Variants in UPP2 observed in about 807,000 individuals in gnomAD.
UPP2 encodes the protein UPase 2.
Under a neutral mutation model 26.7 loss-of-function variants are expected in UPP2, and 23 were observed. That is an observed-to-expected ratio of 0.86 (90% CI 0.62 to 1.22). UPP2 has a LOEUF of 1.22. Ranked by LOEUF, UPP2 falls within the 50% of genes most tolerant of loss-of-function variation. The probability of loss-of-function intolerance (pLI) is 0.00; values close to 1 mark genes in which losing one functional copy is unlikely to be tolerated. For synonymous variants in UPP2, 127 were observed against 141.3 expected, an observed-to-expected ratio of 0.90 and a Z score of 0.72; for missense variants, 387 against 396.7, an observed-to-expected ratio of 0.98 and a Z score of 0.21.
At chr2:158,040,689 G>A (rs931059030) in intron 3 of UPP2, among the ~76,000 whole-genome samples, 1 of 152,108 alleles carries the variant, frequency 6.6e-6, no homozygotes, top group Non-Finnish European at 1.5e-5. Context: ...CCTCTCAATG[G>A]AGGTTGCAAC....
chr2:157,998,927 CTT>C lies in UPP2; in HGVS notation c.61+3669_61+3670del, dbSNP rs34589629. On this transcript the variant is annotated intron_variant, in intron 2 of 9. Coordinates refer to the UPP2 transcript ENST00000605860. ...TCTTCAAACTTTGTTCCTGTCCTCT[CTT>C]CTCTCTCATCTTGGAGACCACATTT... is the stretch of plus-strand genomic sequence containing the variant. Among the ~76,000 whole-genome samples, 1,035 of 152,288 alleles carry C rather than the reference CTT, an allele frequency of 6.8e-3. 5 individuals carry two copies. Among genetic ancestry groups the C allele is most frequent in the Admixed American group, 0.026 (404 of 15,294 alleles).
chr2:158,068,513 T>C (rs764716502), intron 3 of UPP2, among the ~76,000 whole-genome samples: 7 of 151,888 alleles, frequency 4.6e-5, no homozygotes, highest in Non-Finnish European at 8.8e-5. Flanking sequence ...GGAAAGTTTA[T>C]GTATTACCTC....
At chr2:158,104,579 T>C (rs1285041669) in intron 1 of UPP2, among the ~76,000 whole-genome samples, 2 of 151,850 alleles carry the variant, frequency 1.3e-5, no homozygotes, top group African/African-American at 4.9e-5. Flanking sequence ...GATAAAGATA[T>C]AGAAAGACAC....
chr2:157,998,310 C>T (rs1234289587), intron 2 of UPP2, among the ~76,000 whole-genome samples: 1 of 152,102 alleles, frequency 6.6e-6, no homozygotes, highest in East Asian at 1.9e-4. Flanking sequence ...TAATGCTCCA[C>T]CAGAAACCTC....
chr2:158,007,203 A>G (rs1452332143), intron 2 of UPP2, among the ~76,000 whole-genome samples: 1 of 152,214 alleles, frequency 6.6e-6, no homozygotes, highest in Admixed American at 6.5e-5. Context: ...TAACCCTATA[A>G]TAATTCTGCG....
intron 3 of UPP2, among the ~76,000 whole-genome samples, chr2:158,115,543 C>A (rs182052506): frequency 6.6e-6 from 1 of 152,142 alleles, no homozygotes; most frequent in African/African-American, 2.4e-5. Flanking sequence ...CCCTCACCCC[C>A]GCCACGGCAA....
intron 3 of UPP2, among the ~76,000 whole-genome samples, chr2:158,060,106 A>G (rs1225193787): frequency 2.6e-5 from 4 of 152,088 alleles, no homozygotes; most frequent in African/African-American, 9.7e-5. Context: ...GTGTACACAC[A>G]TGCATGCACA....
At chr2:158,019,675 C>G (rs1443149549) in intron 3 of UPP2, among the ~76,000 whole-genome samples, 2 of 145,990 alleles carry the variant, frequency 1.4e-5, no homozygotes, top group African/African-American at 5.6e-5. Flanking sequence ...CACACACACA[C>G]ACACACACAC....
chr2:158,087,516 CT>C (rs1682836040), intron 3 of UPP2, among the ~76,000 whole-genome samples: 1 of 152,116 alleles, frequency 6.6e-6, no homozygotes, highest in Non-Finnish European at 1.5e-5. Flanking sequence ...AGGTACTATT[CT>C]ATTCATCACG....
chr2:158,134,469 C>T (rs1201855958), intron 6 of UPP2, among the ~76,000 whole-genome samples: 1 of 152,178 alleles, frequency 6.6e-6, no homozygotes, highest in Non-Finnish European at 1.5e-5. Flanking sequence ...TTATCTTGAA[C>T]ATGATGCTTT....
intron 2 of UPP2, among the ~76,000 whole-genome samples, chr2:158,001,291 A>T (rs1683401718): frequency 6.6e-6 from 1 of 152,202 alleles, no homozygotes; most frequent in Non-Finnish European, 1.5e-5. Context: ...GGTTATAGGG[A>T]AATCACAAGG....
chr2:158,033,662 C>G (rs753061017), intron 3 of UPP2, among the ~76,000 whole-genome samples: 29 of 152,292 alleles, frequency 1.9e-4, no homozygotes, highest in Admixed American at 1.6e-3. Context: ...GCAAGATCTA[C>G]CTGCAGGCAG....
At chr2:158,079,830 T>C (rs893752143) in intron 3 of UPP2, among the ~76,000 whole-genome samples, 3 of 152,178 alleles carry the variant, frequency 2.0e-5, no homozygotes, top group African/African-American at 7.2e-5. Flanking sequence ...TGTTCTTTTA[T>C]ATAATCAGTG....
chr2:158,111,443 A>G (rs1315874209), intron 2 of UPP2, among the ~76,000 whole-genome samples: 1 of 152,058 alleles, frequency 6.6e-6, no homozygotes, highest in Admixed American at 6.6e-5. Flanking sequence ...ATATTTTTCC[A>G]TTCTTTTACT....
chr2:158,101,982 C>G lies in UPP2; in HGVS notation c.-82C>G. Reference sequence around the variant, plus strand: ...CTGACTGGGAACTGAACTATTATGACTAGGTCTATAATTTAATAACAAGTC... The same window carrying G: ...CTGACTGGGAACTGAACTATTATGAGTAGGTCTATAATTTAATAACAAGTC... On this transcript the variant is annotated 5_prime_UTR_variant, in exon 1 of 7. Transcript: ENST00000005756. 1 of 1,590,116 alleles carries G rather than the reference C, an allele frequency of 6.3e-7. No homozygotes were observed. The highest frequency in any genetic ancestry group is 2.3e-5 in the East Asian group (1 of 44,156).
At chr2:158,056,756 C>T (rs1324096642) in intron 3 of UPP2, among the ~76,000 whole-genome samples, 1 of 152,246 alleles carries the variant, frequency 6.6e-6, no homozygotes, top group Non-Finnish European at 1.5e-5. Flanking sequence ...CCTATCTAGA[C>T]TGCATCCCAA....
At chr2:158,019,798 A>G (rs968259384) in intron 3 of UPP2, among the ~76,000 whole-genome samples, 15 of 152,262 alleles carry the variant, frequency 9.9e-5, no homozygotes, top group African/African-American at 3.6e-4. Context: ...ACATCAGTAT[A>G]TATATTTTTT....
chr2:158,049,402 G>A (rs1430431410), intron 3 of UPP2, among the ~76,000 whole-genome samples: 1 of 152,198 alleles, frequency 6.6e-6, no homozygotes, highest in Admixed American at 6.5e-5. Flanking sequence ...CATTGGTTAA[G>A]TTCCAAGTGA....
intron 3 of UPP2, among the ~76,000 whole-genome samples, chr2:158,063,599 T>C (rs1682386901): frequency 1.7e-5 from 1 of 58,932 alleles, no homozygotes; most frequent in Non-Finnish European, 3.0e-5. Flanking sequence ...CCATTTTCTT[T>C]TCTTTTTTTT....
Sources: gnomAD v4.1 joint callset for allele counts (sites outside exome capture counted in the v4.1 genomes callset) on GRCh38, gnomAD v4.1.1 for gene constraint, MANE v1.5 for transcripts, NCBI Gene and HGNC (gene_info 2026-07-23, HGNC 2026-07-21) for gene names.